Variants in ITPR1 observed in about 807,000 individuals in gnomAD.
ITPR1 encodes inositol 1,4,5-trisphosphate-gated calcium channel ITPR1.
A neutral mutation model predicts 318.4 loss-of-function variants in ITPR1; 96 were observed. The observed-to-expected ratio is 0.30, with a 90% confidence interval of 0.26 to 0.36. The LOEUF is 0.36. Ranked by LOEUF, ITPR1 falls within the 10% of genes least tolerant of loss-of-function variation. ITPR1 has a pLI of 1.00. For synonymous variants in ITPR1, 1,312 were observed against 1,289.9 expected (o/e 1.02, Z -0.37); for missense variants, 2,440 against 3,460.2 (o/e 0.71, Z 7.40).
intron 60 of ITPR1, among the ~76,000 whole-genome samples, chr3:4,821,567 A>G (rs557311618): frequency 6.6e-6 from 1 of 152,206 alleles, no homozygotes; most frequent in East Asian, 1.9e-4. Context: ...AAAGAATGAC[A>G]TTTGACGAGT....
intron 24 of ITPR1, among the ~76,000 whole-genome samples, chr3:4,677,320 G>A (rs1452326520): frequency 2.0e-5 from 3 of 152,146 alleles, no homozygotes; most frequent in Non-Finnish European, 4.4e-5. Context: ...GAGGGGCATG[G>A]GCATGTATTA....
At chr3:4,647,488 G>A (rs1211648844) in intron 10 of ITPR1, among the ~76,000 whole-genome samples, 1 of 152,172 alleles carries the variant, frequency 6.6e-6, no homozygotes, top group Non-Finnish European at 1.5e-5. Context: ...GTATGGCATG[G>A]TATATATTCA....
intron 61 of ITPR1, among the ~76,000 whole-genome samples, chr3:4,841,505 C>T (rs1193569129): frequency 1.3e-5 from 2 of 152,164 alleles, no homozygotes; most frequent in African/African-American, 2.4e-5. Context: ...TTGCCAGGTG[C>T]GGCATTAGGT....
intron 11 of ITPR1, among the ~76,000 whole-genome samples, 179 bp downstream of exon 11, chr3:4,652,397 A>G (rs2093616461): frequency 6.6e-6 from 1 of 152,200 alleles, no homozygotes; most frequent in African/African-American, 2.4e-5. Context: ...AAAAATGATT[A>G]CCACATTTTG....
chr3:4,843,967 G>A (rs2051564849), intron 61 of ITPR1, among the ~76,000 whole-genome samples: 1 of 152,072 alleles, frequency 6.6e-6, no homozygotes, highest in South Asian at 2.1e-4. Flanking sequence ...ATACTAAAAG[G>A]TCATCTCAAA....
At chr3:4,586,339 T>C (rs1250067968) in intron 4 of ITPR1, among the ~76,000 whole-genome samples, 1 of 152,086 alleles carries the variant, frequency 6.6e-6, no homozygotes, top group Non-Finnish European at 1.5e-5. Context: ...ATATCCTTGG[T>C]TTACTATTGA....
intron 4 of ITPR1, among the ~76,000 whole-genome samples, chr3:4,526,218 G>A (rs1575415610): frequency 2.0e-5 from 3 of 152,304 alleles, no homozygotes; most frequent in Admixed American, 2.0e-4. Flanking sequence ...CAGAATAAAA[G>A]CTGTTCGAAG....
At chr3:4,593,639 A>G (rs1382657966) in intron 4 of ITPR1, among the ~76,000 whole-genome samples, 3 of 152,226 alleles carry the variant, frequency 2.0e-5, no homozygotes, top group Non-Finnish European at 4.4e-5. Context: ...AAGAGGGGCC[A>G]TGCTGTTCTT....
intron 61 of ITPR1, among the ~76,000 whole-genome samples, chr3:4,841,584 A>G (rs2051347921): frequency 6.6e-6 from 1 of 152,242 alleles, no homozygotes; most frequent in African/African-American, 2.4e-5. Flanking sequence ...AGTGGGAAAC[A>G]AGTAAACAGA....
intron 60 of ITPR1, chr3:4,830,892 A>G (rs563679886): frequency 8.5e-5 from 39 of 456,150 alleles, no homozygotes; most frequent in African/African-American, 7.0e-4. Flanking sequence ...TGATTTGGCT[A>G]TAAAAGATTC....
At chr3:4,837,077 C>A in intron 61 of ITPR1, 142 bp downstream of exon 61, 1 of 614,158 alleles carries the variant, frequency 1.6e-6, no homozygotes, top group Non-Finnish European at 2.6e-6. Flanking sequence ...GACAAACCCA[C>A]TCACTCCTCC....
rs552782481 is a variant in ITPR1, at chr3:4,746,619, G to A, written c.5544+11265G>A. On this transcript the variant is annotated intron_variant, in intron 44 of 61. Coordinates refer to ENST00000649015, the MANE Select transcript of ITPR1 (RefSeq NM_001378452.1). ...CTGGAGCTTGACTGTAAGACCCGAG[G>A]GGGCAGAGACCAAGTCTGTCTTCAC... is the stretch of plus-strand genomic sequence containing the variant. Among the ~76,000 whole-genome samples the A allele has an allele frequency of 4.6e-5, 7 of 152,338 alleles. No individual in the cohort carries two copies. In the South Asian group the frequency reaches 1.4e-3, roughly 32 times the overall value.
At chr3:4,726,989 A>G (rs2042564499) in intron 41 of ITPR1, 137 bp from the exon 42 acceptor site, 13 of 706,238 alleles carry the variant, frequency 1.8e-5, no homozygotes, top group Non-Finnish European at 2.1e-5. Flanking sequence ...GGGAAAAACA[A>G]AAATCCAGAC....
chr3:4,676,914 A>T, intron 24 of ITPR1, 113 bp downstream of exon 24: 1 of 730,258 alleles, frequency 1.4e-6, no homozygotes. Context: ...ATGGGGGCAA[A>T]TCCTTAGCTC....
At position 4,673,256 on chromosome 3, in the gene ITPR1, C is replaced by G; in HGVS notation, c.2325C>G (p.Pro775=). The G allele has an allele frequency of 1.2e-6, 2 of 1,614,008 alleles. No homozygotes were observed. The highest frequency in any genetic ancestry group is 1.7e-6 in the Non-Finnish European group (2 of 1,179,886). ...ILRCMSDENL[P]YDLRASFCRL... is the part of the protein sequence containing the mutation. Reference sequence around the variant, plus strand: ...GCTGCATGTCTGACGAGAACCTGCCCTATGACCTCAGGGCGTCCTTCTGCC... The same window carrying G: ...GCTGCATGTCTGACGAGAACCTGCCGTATGACCTCAGGGCGTCCTTCTGCC... Residue 775 remains proline (P), a synonymous_variant, in exon 21 of 62, where the codon CCC becomes CCG. Transcript: ENST00000649015.
intron 3 of ITPR1, among the ~76,000 whole-genome samples, chr3:4,516,851 A>T (rs2082208884): frequency 6.6e-6 from 1 of 152,226 alleles, no homozygotes; most frequent in Non-Finnish European, 1.5e-5. Context: ...TCTATATAAA[A>T]GGGAGAGTGC....
intron 37 of ITPR1, among the ~76,000 whole-genome samples, chr3:4,707,186 G>T (rs2094776471): frequency 6.6e-6 from 1 of 152,210 alleles, no homozygotes; most frequent in Non-Finnish European, 1.5e-5. Context: ...TTGATAATAT[G>T]TCCCAGTTAC....
At chr3:4,500,400 C>A (rs1303715163) in intron 2 of ITPR1, among the ~76,000 whole-genome samples, 1 of 151,968 alleles carries the variant, frequency 6.6e-6, no homozygotes, top group Non-Finnish European at 1.5e-5. Context: ...CGGGATCTCG[C>A]CATGTTGTCC....
At chr3:4,823,846 A>T (rs967611037) in intron 60 of ITPR1, among the ~76,000 whole-genome samples, 2 of 152,222 alleles carry the variant, frequency 1.3e-5, no homozygotes, top group African/African-American at 4.8e-5. Context: ...TATACATGTA[A>T]CACAATTTCA....
Sources: gnomAD v4.1 joint callset for allele counts (sites outside exome capture counted in the v4.1 genomes callset) on GRCh38, gnomAD v4.1.1 for gene constraint, MANE v1.5 for transcripts, NCBI Gene and HGNC (gene_info 2026-07-23, HGNC 2026-07-21) for gene names.